TMEM63B: variants seen among roughly 807,000 people sequenced by gnomAD.
TMEM63B encodes the protein transmembrane protein 63B, also known as mechanosensitive cation channel TMEM63B.
TMEM63B carries 23 observed loss-of-function variants against 102.6 expected under a neutral mutation model. The observed-to-expected ratio is 0.22, with a 90% confidence interval of 0.16 to 0.32. The LOEUF is 0.32. Among genes scored for constraint, TMEM63B ranks in the 10% least tolerant of loss-of-function variants. The pLI, the probability that TMEM63B is intolerant of heterozygous loss-of-function variation, is 1.00. For missense variants in TMEM63B, 628 were observed against 1,095.9 expected (o/e 0.57, Z 6.03); for synonymous variants, 444 against 437.0 (o/e 1.02, Z -0.20).
intron 10 of TMEM63B, among the ~76,000 whole-genome samples, chr6:44,144,709 G>A (rs1166524986): frequency 6.6e-6 from 1 of 151,820 alleles, no homozygotes; most frequent in Non-Finnish European, 1.5e-5. Context: ...CGATCCTCCT[G>A]CCTCAGACTC....
At position 44,152,715 on chromosome 6, in the gene TMEM63B, C is replaced by T. The variant is rs761081271; in HGVS notation, c.1942+17C>T. On this transcript the variant is annotated intron_variant, in intron 20 of 23. Transcript: ENST00000323267. This position sits in a 1 kb window ranked among gnomAD's most constrained non-coding sequence, Gnocchi z 6.4. Reference sequence around the variant, plus strand: ...TGCCCTTCGGTAGGCACCGCCGCGCCGGGACCTGGGCCCTGCTCGGGGGGA... The same window carrying T: ...TGCCCTTCGGTAGGCACCGCCGCGCTGGGACCTGGGCCCTGCTCGGGGGGA... The T allele has an allele frequency of 6.9e-6, 11 of 1,594,772 alleles. No individual in the cohort carries two copies. Among genetic ancestry groups the T allele is most frequent in the Admixed American group, 1.7e-5 (1 of 59,950 alleles).
chr6:44,150,091 A>G lies in TMEM63B; in HGVS notation c.1520+126A>G. The G allele has an allele frequency of 1.5e-6, 2 of 1,297,106 alleles. No individual in the cohort carries two copies. Among genetic ancestry groups the G allele is most frequent in the Non-Finnish European group, 2.2e-6 (2 of 922,176 alleles). 80.3% of individuals were successfully genotyped at this position (1,297,106 alleles called of 1,614,324 possible). ...GTCCCACAGCTGGTAGGGAAGGGGTAGTGCCCAGCACCCTCACCTTGGGAG... is the reference window on the plus strand; with the variant it reads ...GTCCCACAGCTGGTAGGGAAGGGGTGGTGCCCAGCACCCTCACCTTGGGAG... On this transcript the variant is annotated intron_variant, in intron 16 of 23. Transcript: ENST00000323267. This position sits in a 1 kb window ranked among gnomAD's most constrained non-coding sequence, Gnocchi z 4.7.
intron 18 of TMEM63B, 102 bp from the exon 19 acceptor site, chr6:44,151,744 G>A (rs1323057139): frequency 4.4e-6 from 6 of 1,358,940 alleles, no homozygotes; most frequent in Non-Finnish European, 6.0e-6. Flanking sequence ...CATGGAAGAA[G>A]CATGTTGGTG....
At chr6:44,139,361 G>C in intron 6 of TMEM63B, 106 bp from the exon 7 acceptor site, 1 of 1,399,186 alleles carries the variant, frequency 7.1e-7, no homozygotes, top group Non-Finnish European at 9.9e-7. Flanking sequence ...AGATCAGCTG[G>C]AGCTAGGGTG....
upstream of TMEM63B, chr6:44,127,234 C>T (rs1276564223): frequency 6.6e-6 from 1 of 152,068 alleles, no homozygotes; most frequent in South Asian, 2.1e-4. Flanking sequence ...CTGCCTCCCA[C>T]TCTGGCCTCT....
At chr6:44,147,098 G>T (rs1191917336) in intron 11 of TMEM63B, among the ~76,000 whole-genome samples, 171 bp downstream of exon 11, 1 of 152,154 alleles carries the variant, frequency 6.6e-6, no homozygotes, top group Non-Finnish European at 1.5e-5. Context: ...AGGCCTGGAG[G>T]TTAGAGTTTG....
rs535097886 is a variant in TMEM63B at position 44,144,826 on chromosome 6, G to A, written c.783-2021G>A. Among the ~76,000 whole-genome samples, 9 of 151,942 alleles carry A rather than the reference G, an allele frequency of 5.9e-5. No individual in the cohort carries two copies. The East Asian group carries it at 7.8e-4, about 13-fold the overall frequency. On this transcript the variant is annotated intron_variant, in intron 10 of 23. Coordinates refer to ENST00000323267, the MANE Select transcript of TMEM63B (RefSeq NM_018426.3). ...TTGCCCAGGCTGGTCATGAACTCCT[G>A]GCCTCAAGCAATCCTCCTGTCTCAG... is the stretch of plus-strand genomic sequence containing the variant.
At chr6:44,134,092 G>C (rs1037770280) in intron 1 of TMEM63B, among the ~76,000 whole-genome samples, 6 of 152,160 alleles carry the variant, frequency 3.9e-5, no homozygotes, top group Non-Finnish European at 2.9e-5. Flanking sequence ...GAAAAGATCA[G>C]GATGAGGCAG....
chr6:44,150,050 C>A lies in TMEM63B; in HGVS notation c.1520+85C>A. On this transcript the variant is annotated intron_variant, in intron 16 of 23. Transcript: ENST00000323267. The surrounding 1 kb of genome is among the most constrained non-coding windows in gnomAD (Gnocchi z 4.7). ...TCTGGGCAGCACTTTGCCCTTCAGG[C>A]TCCTGGCCCTGGGCAGTCCCACAGC... 3 of 1,446,038 alleles carry A rather than the reference C, an allele frequency of 2.1e-6. No homozygotes were observed. The highest frequency in any genetic ancestry group is 2.9e-6 in the Non-Finnish European group (3 of 1,049,416). 89.6% of individuals were successfully genotyped at this position (1,446,038 alleles called of 1,614,324 possible).
rs1767353463 is a variant in TMEM63B at position 44,153,839 on chromosome 6, C to T, written c.2106C>T (p.Arg702=). ...GGCTGCTCTTCTTTTCCACCATGCG[C>T]ACGGGTGAGGGATCCCTACCCAGGG... ...LFWLLFFSTM[R]TGFLAPTSMF... Residue 702 remains arginine, a synonymous_variant, in exon 21 of 24, where the codon CGC becomes CGT. Transcript: ENST00000323267. 6.2e-7 allele frequency: 1 copy of T among 1,613,230 alleles called. No individual in the cohort carries two copies. Among genetic ancestry groups the T allele is most frequent in the East Asian group, 2.2e-5 (1 of 44,878 alleles).
At chr6:44,149,633 A>G (rs940518890) in intron 15 of TMEM63B, among the ~76,000 whole-genome samples, 49 of 152,196 alleles carry the variant, frequency 3.2e-4, no homozygotes, top group African/African-American at 1.1e-3. Context: ...TGCTTAGAAC[A>G]TAGTAGATGT....
At position 44,150,517 on chromosome 6, in the gene TMEM63B, C is replaced by T. The variant is rs764892671; in HGVS notation, c.1608-47C>T. 2 of 1,605,214 alleles carry T rather than the reference C, an allele frequency of 1.2e-6. No homozygotes were observed. Among genetic ancestry groups the T allele is most frequent in the East Asian group, 4.5e-5 (2 of 44,846 alleles). ...GAGGGACTTCCCCTCCCCTGGTGTT[C>T]TGTACCACTCCAGCTCCCACCCCAT... On this transcript the variant is annotated intron_variant, in intron 17 of 23. Coordinates refer to ENST00000323267, the MANE Select transcript of TMEM63B (RefSeq NM_018426.3). This position sits in a 1 kb window ranked among gnomAD's most constrained non-coding sequence, Gnocchi z 4.7.
At chr6:44,135,157 G>A in intron 3 of TMEM63B, 61 bp downstream of exon 3, 4 of 1,599,378 alleles carry the variant, frequency 2.5e-6, no homozygotes, top group Non-Finnish European at 3.4e-6. Flanking sequence ...ACACTCCTCA[G>A]GAATAGGAAG....
At chr6:44,149,734 G>T (rs1452619794) in intron 15 of TMEM63B, 125 bp from the exon 16 acceptor site, 3 of 715,968 alleles carry the variant, frequency 4.2e-6, no homozygotes, top group Non-Finnish European at 7.1e-6. Flanking sequence ...GGATGTTCTG[G>T]GCTTCCAACA....
chr6:44,149,740 CA>C, intron 15 of TMEM63B, 118 bp from the exon 16 acceptor site: 2 of 767,716 alleles, frequency 2.6e-6, no homozygotes, highest in South Asian at 3.5e-5. Flanking sequence ...TCTGGGCTTC[CA>C]ACATGGGAGC....
At chr6:44,129,122 C>T (rs1777801921) in intron 1 of TMEM63B, among the ~76,000 whole-genome samples, 1 of 152,144 alleles carries the variant, frequency 6.6e-6, no homozygotes, top group Non-Finnish European at 1.5e-5. Flanking sequence ...AATTCCAGCA[C>T]TTTGGGAGAC....
rs541384263 is a variant in TMEM63B, at chr6:44,131,712, C to T, written c.-24-2849C>T. ...CCACTCTGGTGACAGAGCGAGACTC[C>T]GTCTCAAAAAAATACACAACAACCC... On this transcript the variant is annotated intron_variant, in intron 1 of 23. Coordinates refer to ENST00000323267, the MANE Select transcript of TMEM63B (RefSeq NM_018426.3). Among the ~76,000 whole-genome samples the T allele has an allele frequency of 4.4e-4, 66 of 148,584 alleles. 2 individuals are homozygous for T. The South Asian group carries it at 7.1e-3, about 16-fold the overall frequency.
intron 5 of TMEM63B, chr6:44,138,229 G>C: frequency 2.8e-6 from 1 of 362,948 alleles, no homozygotes. Context: ...GCAGAAATCT[G>C]TAGATCTGGA....
intron 10 of TMEM63B, among the ~76,000 whole-genome samples, chr6:44,144,442 G>A (rs1764926285): frequency 6.6e-6 from 1 of 152,106 alleles, no homozygotes; most frequent in Non-Finnish European, 1.5e-5. Flanking sequence ...CAATATCAGA[G>A]GAAAGGTCTC....
Sources: gnomAD v4.1 joint callset for allele counts (sites outside exome capture counted in the v4.1 genomes callset) on GRCh38, gnomAD v4.1.1 for gene constraint, Gnocchi (gnomAD v3.1) non-coding constraint, MANE v1.5 for transcripts, NCBI Gene and HGNC (gene_info 2026-07-23, HGNC 2026-07-21) for gene names.